Variants in SLC10A7 observed in about 807,000 individuals in gnomAD.
SLC10A7 encodes the protein solute carrier family 10 member 7.
Under a neutral mutation model 43.2 loss-of-function variants are expected in SLC10A7, and 29 were observed. The observed-to-expected ratio is 0.67, with a 90% CI of 0.50 to 0.92. The LOEUF (loss-of-function observed/expected upper bound fraction) is 0.92, where lower values mean the gene tolerates loss of function less well. Ranked by LOEUF, SLC10A7 falls within the 40% of genes least tolerant of loss-of-function variation. The probability of loss-of-function intolerance (pLI) is 0.00; values close to 1 mark genes in which losing one functional copy is unlikely to be tolerated. For missense variants in SLC10A7, 295 were observed against 403.2 expected, an observed-to-expected ratio of 0.73 and a Z score of 2.30; for synonymous variants, 152 against 144.8, an observed-to-expected ratio of 1.05 and a Z score of -0.35.
At chr4:146,464,629 G>A (rs1040282293) in intron 4 of SLC10A7, among the ~76,000 whole-genome samples, 16 of 151,638 alleles carry the variant, frequency 1.1e-4, no homozygotes. Flanking sequence ...ATGTGATAAT[G>A]TGAGCCTAAT....
chr4:146,327,877 C>G (rs931432547), intron 5 of SLC10A7, among the ~76,000 whole-genome samples: 1 of 152,012 alleles, frequency 6.6e-6, no homozygotes, highest in African/African-American at 2.4e-5. Context: ...TCTGCCTGCA[C>G]TGGCACATGT....
intron 5 of SLC10A7, among the ~76,000 whole-genome samples, chr4:146,370,485 C>T (rs1736691586): frequency 6.6e-6 from 1 of 152,118 alleles, no homozygotes; most frequent in African/African-American, 2.4e-5. Context: ...TTGAAAGAAG[C>T]TCAGGCAAGG....
At chr4:146,519,085 ATATATATATATATATATATATATATAT>A (rs1560991448) in intron 1 of SLC10A7, among the ~76,000 whole-genome samples, 10 of 73,672 alleles carry the variant, frequency 1.4e-4, no homozygotes, top group East Asian at 9.9e-4. Flanking sequence ...ATATATATAT[ATATATATATATATATATATATATATAT>A]AATATAATAT....
intron 6 of SLC10A7, among the ~76,000 whole-genome samples, chr4:146,317,123 A>G (rs1732382657): frequency 6.6e-6 from 1 of 152,086 alleles, no homozygotes; most frequent in Non-Finnish European, 1.5e-5. Flanking sequence ...GGGAAAGTGT[A>G]CTCAGTTCCT....
chr4:146,337,028 AGAG>A (rs1184092647), intron 5 of SLC10A7, among the ~76,000 whole-genome samples: 76 of 152,190 alleles, frequency 5.0e-4, no homozygotes, highest in African/African-American at 1.8e-3. Context: ...ATCCAGGTTA[AGAG>A]TGACAAAAAC....
Position 146,256,285 on chromosome 4 carries a change from C to T in SLC10A7, c.*206G>A, listed in dbSNP as rs930410875. The T allele has an allele frequency of 3.1e-5, 18 of 580,388 alleles. No individual in the cohort carries two copies. The highest frequency in any genetic ancestry group is 6.3e-5 in the South Asian group (3 of 47,656). The allele number at this position is 580,388 out of a possible 1,614,324, so 36.0% of individuals were successfully genotyped here. On this transcript the variant is annotated 3_prime_UTR_variant, in exon 12 of 12. Transcript: ENST00000335472. ...GCAAAATTAACCCCCAAATATTGTA[C>T]CACCCCTGGCAGTAATCAACAAAGC...
intron 5 of SLC10A7, among the ~76,000 whole-genome samples, chr4:146,372,537 G>A (rs1372737409): frequency 6.6e-6 from 1 of 151,352 alleles, no homozygotes; most frequent in Non-Finnish European, 1.5e-5. Flanking sequence ...CTTCTCAGAA[G>A]TCAGGTCAAT....
chr4:146,292,797 G>C, intron 9 of SLC10A7, 132 bp downstream of exon 9: 1 of 600,784 alleles, frequency 1.7e-6, no homozygotes, highest in Non-Finnish European at 2.9e-6. Context: ...GAGGCAGAAT[G>C]GTCAGGGAGA....
At chr4:146,295,948 C>A (rs1730756054) in intron 7 of SLC10A7, among the ~76,000 whole-genome samples, 1 of 152,082 alleles carries the variant, frequency 6.6e-6, no homozygotes, top group Non-Finnish European at 1.5e-5. Context: ...CAGCATTGCC[C>A]TCCAACAAAA....
chr4:146,502,201 T>C (rs189291020), intron 4 of SLC10A7, among the ~76,000 whole-genome samples: 3 of 152,288 alleles, frequency 2.0e-5, no homozygotes, highest in Admixed American at 1.3e-4. Flanking sequence ...CACAATGAGA[T>C]ATCATTACAC....
At chr4:146,265,487 C>A (rs928572245) in intron 10 of SLC10A7, among the ~76,000 whole-genome samples, 6 of 152,260 alleles carry the variant, frequency 3.9e-5, no homozygotes, top group South Asian at 2.1e-4. Context: ...CTATTGATTT[C>A]TTCATTTTTT....
chr4:146,309,179 C>T (rs540876326), intron 6 of SLC10A7, among the ~76,000 whole-genome samples: 6 of 152,220 alleles, frequency 3.9e-5, no homozygotes, highest in Admixed American at 6.5e-5. Context: ...CCAACACATC[C>T]TCCAAAAATG....
chr4:146,423,759 T>C (rs575248915), intron 5 of SLC10A7, among the ~76,000 whole-genome samples: 9 of 152,316 alleles, frequency 5.9e-5, no homozygotes, highest in Non-Finnish European at 1.0e-4. Context: ...TATTCTGAAA[T>C]ATAGCCTTGT....
At chr4:146,301,165 G>C (rs1429504597) in intron 7 of SLC10A7, among the ~76,000 whole-genome samples, 1 of 152,168 alleles carries the variant, frequency 6.6e-6, no homozygotes, top group Non-Finnish European at 1.5e-5. Flanking sequence ...ATAAATTTAT[G>C]AATCAAGTAC....
intron 5 of SLC10A7, among the ~76,000 whole-genome samples, chr4:146,435,846 A>G (rs1730166768): frequency 6.6e-6 from 1 of 152,124 alleles, no homozygotes; most frequent in Admixed American, 6.5e-5. Context: ...TCTGAACCAG[A>G]ATAATTTATA....
intron 5 of SLC10A7, among the ~76,000 whole-genome samples, chr4:146,332,324 A>G (rs1560806315): frequency 6.6e-6 from 1 of 152,184 alleles, no homozygotes; most frequent in African/African-American, 2.4e-5. Flanking sequence ...CTAGTCTGAG[A>G]TCACGTGCTA....
chr4:146,369,084 A>C (rs1736590904), intron 5 of SLC10A7, among the ~76,000 whole-genome samples: 1 of 152,152 alleles, frequency 6.6e-6, no homozygotes. Flanking sequence ...GATTAGTATC[A>C]CAAAAATGAG....
intron 6 of SLC10A7, among the ~76,000 whole-genome samples, chr4:146,318,331 A>G (rs1396090935): frequency 1.3e-5 from 2 of 151,984 alleles, no homozygotes; most frequent in East Asian, 3.9e-4. Context: ...GTCCTCAATG[A>G]CCTCTGTCTT....
intron 10 of SLC10A7, among the ~76,000 whole-genome samples, chr4:146,269,680 T>C (rs1055859779): frequency 1.3e-5 from 2 of 152,216 alleles, no homozygotes; most frequent in East Asian, 3.8e-4. Context: ...GTTTTTTAGA[T>C]GTATTTTTAT....
Sources: allele counts gnomAD v4.1 joint callset (sites outside exome capture counted in the v4.1 genomes callset), GRCh38; gene constraint gnomAD v4.1.1; transcripts MANE v1.5; gene names NCBI Gene and HGNC (gene_info 2026-07-23, HGNC 2026-07-21).